SYN3: variants seen among roughly 807,000 people sequenced by gnomAD.
SYN3 encodes synapsin III.
In SYN3, 35 loss-of-function variants were observed where a neutral mutation model predicts 65.8. That is an observed-to-expected ratio of 0.53 (90% CI 0.41 to 0.70). The LOEUF (loss-of-function observed/expected upper bound fraction) is 0.70. SYN3 is among the 30% of genes least tolerant of loss of function. The pLI is 0.00. For synonymous variants in SYN3, 270 were observed against 292.9 expected, an observed-to-expected ratio of 0.92 and a Z score of 0.80; for missense variants, 680 against 749.0, an observed-to-expected ratio of 0.91 and a Z score of 1.08.
At chr22:32,823,156 G>A (rs2047301579) in intron 6 of SYN3, among the ~76,000 whole-genome samples, 1 of 152,200 alleles carries the variant, frequency 6.6e-6, no homozygotes, top group Admixed American at 6.5e-5. Context: ...AGTGACCCTT[G>A]CTTTTGGGTC....
At chr22:32,649,405 G>A (rs1348449333) in intron 6 of SYN3, among the ~76,000 whole-genome samples, 2 of 152,182 alleles carry the variant, frequency 1.3e-5, no homozygotes, top group Non-Finnish European at 2.9e-5. Flanking sequence ...CCCCTAGTAT[G>A]TACCGAGTAC....
intron 6 of SYN3, among the ~76,000 whole-genome samples, chr22:32,814,227 G>GA (rs1246463192): frequency 2.6e-4 from 32 of 123,078 alleles, no homozygotes; most frequent in Admixed American, 6.0e-4. Flanking sequence ...AGGAAAGAAA[G>GA]AAAAAAAAAG....
intron 3 of SYN3, among the ~76,000 whole-genome samples, chr22:32,968,946 C>G (rs572253319): frequency 6.6e-6 from 1 of 152,326 alleles, no homozygotes; most frequent in East Asian, 1.9e-4. Flanking sequence ...TCAGATAAGA[C>G]AAGCTCTGTT....
intron 6 of SYN3, among the ~76,000 whole-genome samples, chr22:32,600,651 G>C (rs148540425): frequency 1.1e-3 from 162 of 152,044 alleles, no homozygotes; most frequent in Admixed American, 2.4e-3. Context: ...AATAAACAAA[G>C]ACCCATAGGA....
intron 6 of SYN3, among the ~76,000 whole-genome samples, chr22:32,794,238 C>A (rs130560): frequency 0.16 from 25,099 of 152,218 alleles, 2,620 homozygotes; most frequent in East Asian, 0.35. Flanking sequence ...CACACCACAG[C>A]AACCTTCTGA....
In SYN3 at chr22:32,508,880, C is replaced by T. The variant is rs566128767; in HGVS notation, c.*4812G>A. ...GCACTAGCTTGCCAGATGAGAACTT[C>T]CAGAAGGCAGTTGATGTTCAGTTTT... On this transcript the variant is annotated 3_prime_UTR_variant, in exon 14 of 14. Coordinates refer to ENST00000358763, the MANE Select transcript of SYN3 (RefSeq NM_003490.4). 1.3e-5 allele frequency among the ~76,000 whole-genome samples: 2 copies of T among 152,278 alleles called. No homozygotes were observed. The highest frequency in any genetic ancestry group is 4.8e-5 in the African/African-American group (2 of 41,556).
intron 4 of SYN3, among the ~76,000 whole-genome samples, chr22:32,896,062 T>C (rs1460839040): frequency 6.6e-6 from 1 of 152,222 alleles, no homozygotes; most frequent in Non-Finnish European, 1.5e-5. Context: ...TCAAGCCTTC[T>C]GGGAGTTTAG....
At chr22:32,909,860 C>T (rs142303886) in intron 4 of SYN3, among the ~76,000 whole-genome samples, 2,426 of 152,212 alleles carry the variant, frequency 0.016, 21 homozygotes, top group Middle Eastern at 0.034. Context: ...GTTCCCGGGT[C>T]GGTCGGCCTG....
intron 6 of SYN3, among the ~76,000 whole-genome samples, chr22:32,605,708 C>T (rs2059362935): frequency 1.3e-5 from 2 of 152,228 alleles, no homozygotes; most frequent in Admixed American, 1.3e-4. Flanking sequence ...CTCTGGACAA[C>T]TATGATCATC....
At chr22:32,660,732 A>G (rs1001657417) in intron 6 of SYN3, among the ~76,000 whole-genome samples, 9 of 152,198 alleles carry the variant, frequency 5.9e-5, no homozygotes, top group African/African-American at 1.9e-4. Flanking sequence ...AGTTGGCGCC[A>G]TGTCTATTTC....
intron 2 of SYN3, among the ~76,000 whole-genome samples, chr22:32,988,908 G>A (rs1410351225): frequency 6.6e-6 from 1 of 152,124 alleles, no homozygotes; most frequent in Non-Finnish European, 1.5e-5. Context: ...GAAGACCTGG[G>A]TTTGAGTTGG....
chr22:32,550,587 GT>G (rs1427151804), intron 7 of SYN3, among the ~76,000 whole-genome samples: 1 of 151,570 alleles, frequency 6.6e-6, no homozygotes, highest in African/African-American at 2.4e-5. Context: ...AAATAAATAA[GT>G]GTTGTAATCT....
At chr22:32,729,725 G>A (rs2061245278) in intron 6 of SYN3, among the ~76,000 whole-genome samples, 1 of 152,206 alleles carries the variant, frequency 6.6e-6, no homozygotes, top group African/African-American at 2.4e-5. Flanking sequence ...CACTTGCTCA[G>A]CAGGCATGTG....
In SYN3 at chr22:32,682,269, T is replaced by C. The variant is rs567658208; in HGVS notation, c.712-85533A>G. Among the ~76,000 whole-genome samples the C allele has an allele frequency of 9.9e-3, 1,511 of 152,206 alleles. 29 individuals carry two copies. Among genetic ancestry groups the C allele is most frequent in the African/African-American group, 0.035 (1,450 of 41,510 alleles). On this transcript the variant is annotated intron_variant, in intron 6 of 13. Transcript: ENST00000358763. ...AATGCACAAGTCTGCCCCCACAAAA[T>C]AGAATTATCCAGCTCCAAATATCAA...
intron 6 of SYN3, among the ~76,000 whole-genome samples, chr22:32,804,444 C>G (rs1260439891): frequency 6.6e-6 from 1 of 152,238 alleles, no homozygotes. Flanking sequence ...GGGACCCACA[C>G]AACCCCACCA....
intron 11 of SYN3, 63 bp from the exon 12 acceptor site, chr22:32,528,068 G>T: frequency 2.4e-6 from 3 of 1,274,568 alleles, no homozygotes; most frequent in South Asian, 3.0e-5. Flanking sequence ...CTGGGTGAGA[G>T]GGCAGCATTT....
At chr22:32,841,723 C>G (rs992312038) in intron 6 of SYN3, among the ~76,000 whole-genome samples, 6 of 151,914 alleles carry the variant, frequency 3.9e-5, no homozygotes, top group Admixed American at 3.9e-4. Flanking sequence ...GGAAAAATAG[C>G]TAATGCACAC....
rs571301762 is a variant in SYN3 at position 32,752,979 on chromosome 22, C to G, written c.711+111936G>C. On this transcript the variant is annotated intron_variant, in intron 6 of 13. Coordinates refer to ENST00000358763, the MANE Select transcript of SYN3 (RefSeq NM_003490.4). ...GGAACAGCTCCAGCCTCCCCCAGAA[C>G]CACTGAAACCACCAGAAGGGTCAGG... is the stretch of plus-strand genomic sequence containing the variant. Among the ~76,000 whole-genome samples, 4 of 152,282 alleles carry G rather than the reference C, an allele frequency of 2.6e-5. No individual in the cohort carries two copies. The East Asian group carries it at 7.7e-4, about 29-fold the overall frequency.
intron 7 of SYN3, among the ~76,000 whole-genome samples, chr22:32,569,551 C>CAA (rs2058726400): frequency 4.4e-5 from 3 of 68,486 alleles, no homozygotes; most frequent in Admixed American, 1.8e-4. Context: ...CTCTCTCTCT[C>CAA]TCTCTCTCTC....
Sources: gnomAD v4.1 joint callset for allele counts (sites outside exome capture counted in the v4.1 genomes callset) on GRCh38, gnomAD v4.1.1 for gene constraint, MANE v1.5 for transcripts, NCBI Gene and HGNC (gene_info 2026-07-23, HGNC 2026-07-21) for gene names.